The following CACNA1H variants were observed in gnomAD, a reference collection of about 807,000 sequenced individuals.
The protein encoded by CACNA1H is voltage-dependent T-type calcium channel subunit alpha-1H.
A neutral mutation model predicts 192.5 loss-of-function variants in CACNA1H; 149 were observed. The observed-to-expected ratio is 0.77, with a 90% CI of 0.68 to 0.89. The LOEUF (loss-of-function observed/expected upper bound fraction) is 0.89. CACNA1H is among the 40% of genes least tolerant of loss of function. CACNA1H has a pLI of 0.00. For synonymous variants in CACNA1H, 2,202 were observed against 1,475.2 expected, an observed-to-expected ratio of 1.49 and a Z score of -11.29; for missense variants, 4,257 against 3,423.5, an observed-to-expected ratio of 1.24 and a Z score of -6.08.
At position 1,207,362 on chromosome 16, in the gene CACNA1H, A is replaced by G. The variant is rs774136809; in HGVS notation, c.2995A>G (p.Met999Val). Residue 999 changes from methionine to valine, a missense_variant, in exon 14 of 35, where the codon ATG (methionine) becomes GTG (valine). Met to Val is a conservative substitution (Grantham distance 21). Coordinates refer to ENST00000348261, the MANE Select transcript of CACNA1H (RefSeq NM_021098.3). ...GGCCGCCCTCTACTTCGTGGCCCTC[A>G]TGACCTTCGGCAACTATGTGCTCTT... ...SWAALYFVAL[M>V]TFGNYVLFNL... 1.9e-5 allele frequency: 31 copies of G among 1,613,004 alleles called. No homozygotes were observed. The Admixed American group carries it at 4.7e-4, about 24-fold the overall frequency.
chr16:1,208,917 C>T (rs1166470574), intron 16 of CACNA1H, 115 bp from the exon 17 acceptor site: 21 of 1,130,168 alleles, frequency 1.9e-5, no homozygotes, highest in East Asian at 3.0e-5. Context: ...GCCTCCCTGG[C>T]GGGGCTATGC....
Position 1,202,029 on chromosome 16 carries a change from C to T in CACNA1H, c.1579C>T (p.His527Tyr), listed in dbSNP as rs1393490619. ...LVYHHHHHHH[H>Y]HYHFSHGSPR... ...CTACCACCACCATCACCACCACCAC[C>T]ACCACTACCATTTCAGCCATGGCAG... Residue 527 changes from histidine (H) to tyrosine (Y), a missense_variant, in exon 9 of 35, where the codon CAC becomes TAC. By Grantham distance (83) the His-to-Tyr change is moderately conservative. Transcript: ENST00000348261. 1.3e-6 allele frequency: 2 copies of T among 1,537,728 alleles called. No homozygotes were observed. Among genetic ancestry groups the T allele is most frequent in the Non-Finnish European group, 8.7e-7 (1 of 1,144,078 alleles).
At position 1,204,294 on chromosome 16, in the gene CACNA1H, G is replaced by A. The variant is rs1968379777; in HGVS notation, c.2287G>A (p.Ala763Thr). 6.2e-7 allele frequency: 1 copy of A among 1,604,336 alleles called. No homozygotes were observed. Among genetic ancestry groups the A allele is most frequent in the African/African-American group, 1.3e-5 (1 of 74,750 alleles). ...AGGCCCAGGCAGCCCCCAGCGGCGG[G>A]CACAGCAGAGGGCAGCCCCGGGCGA... ...GPGPGSPQRR[A>T]QQRAAPGEPG... The change falls in exon 10 of 35, where the codon GCA becomes ACA. Residue 763 changes from alanine to threonine, a missense_variant. Coordinates refer to ENST00000348261, the MANE Select transcript of CACNA1H (RefSeq NM_021098.3).
intron 17 of CACNA1H, 25 bp downstream of exon 17, chr16:1,209,437 C>T (rs1293661355): frequency 9.4e-6 from 15 of 1,589,426 alleles, no homozygotes; most frequent in African/African-American, 2.7e-5. Flanking sequence ...CTGGGCCCAC[C>T]GCCGACTCGC....
chr16:1,207,175 T>TCCCC, intron 13 of CACNA1H, 57 bp downstream of exon 13: 6 of 1,547,514 alleles, frequency 3.9e-6, no homozygotes, highest in Non-Finnish European at 5.3e-6. Flanking sequence ...CCCAGAGAGG[T>TCCCC]GGAGGTGCCG....
Position 1,202,267 on chromosome 16 carries a change from C to T in CACNA1H, c.1817C>T (p.Thr606Ile), listed in dbSNP as rs967106285. 7 of 1,576,810 alleles carry T rather than the reference C, an allele frequency of 4.4e-6. 1 individual carries two copies. The South Asian group carries it at 5.8e-5, about 13-fold the overall frequency. The stretch of plus-strand genomic sequence containing the variant: ...GCCGCTGCCAGCCTCAGACTGGCCA[C>T]AGGGCTGGGCACCATGAACTACCCC... ...ATAAASLRLATGLGTMNYPTI... is the reference protein window; with the variant it reads ...ATAAASLRLAIGLGTMNYPTI... The change falls in exon 9 of 35, where the codon ACA becomes ATA. Residue 606 changes from threonine to isoleucine, a missense_variant. By Grantham distance (89) the Thr-to-Ile change is moderately conservative. Coordinates refer to ENST00000348261, the MANE Select transcript of CACNA1H (RefSeq NM_021098.3).
chr16:1,211,791 G>C lies in CACNA1H; in HGVS notation c.4552G>C (p.Gly1518Arg). 1.2e-6 allele frequency: 2 copies of C among 1,612,604 alleles called. No homozygotes were observed. Among genetic ancestry groups the C allele is most frequent in the Non-Finnish European group, 1.7e-6 (2 of 1,179,708 alleles). The change falls in exon 24 of 35, where the codon GGT (glycine) becomes CGT (arginine). Residue 1518 changes from glycine to arginine, a missense_variant. By Grantham distance (125) the Gly-to-Arg change is moderately radical. Coordinates refer to ENST00000348261, the MANE Select transcript of CACNA1H (RefSeq NM_021098.3). ...NIMYDGLDAV[G>R]VDQQPVQNHN... is the part of the protein sequence containing the mutation. ...CATGTACGACGGGCTGGATGCCGTG[G>C]GTGTCGACCAGCAGGTGCGCACAGG... is the stretch of plus-strand genomic sequence containing the variant.
intron 2 of CACNA1H, among the ~76,000 whole-genome samples, chr16:1,193,586 G>C (rs1477368484): frequency 6.6e-6 from 1 of 152,288 alleles, no homozygotes; most frequent in Non-Finnish European, 1.5e-5. Context: ...GCGTGGCTGT[G>C]CCAGCATGCC....
At position 1,210,387 on chromosome 16, in the gene CACNA1H, A is replaced by T. The variant is rs114169979; in HGVS notation, c.3863A>T (p.Gln1288Leu). 8.7e-6 allele frequency: 9 copies of T among 1,034,864 alleles called. No homozygotes were observed. The African/African-American group carries it at 1.6e-4, about 19-fold the overall frequency. 64.1% of individuals were successfully genotyped at this position (1,034,864 alleles called of 1,614,324 possible). A position where few individuals can be genotyped will look rare whatever the true frequency, so the allele number is the denominator to read the frequency against. ...SPQNRFRVSC[Q>L]KVITHKMFDH... The stretch of plus-strand genomic sequence containing the variant: ...CCACCCAGGTTCCGCGTCTCCTGCC[A>T]GAAGGTCATCACACACAAGATGTTT... Residue 1288 changes from glutamine (Q) to leucine (L), a missense_variant, in exon 19 of 35, where the codon CAG (glutamine) becomes CTG (leucine). Transcript: ENST00000348261.
Position 1,220,648 on chromosome 16 carries a change from G to A in CACNA1H, c.6716G>A (p.Gly2239Asp). 3.7e-6 allele frequency: 6 copies of A among 1,603,748 alleles called. No individual in the cohort carries two copies. Among genetic ancestry groups the A allele is most frequent in the Non-Finnish European group, 5.1e-6 (6 of 1,175,542 alleles). ...TCCCTGGAGCCCACAGAGGGCTCAG[G>A]CGCCGGGGGGGACCCTGCAGCCAAG... ...RDSLEPTEGSGAGGDPAAKGE... is the reference protein window; with the variant it reads ...RDSLEPTEGSDAGGDPAAKGE... The change falls in exon 35 of 35, where the codon GGC (glycine) becomes GAC (aspartate). Residue 2239 changes from glycine (G) to aspartate (D), a missense_variant. Coordinates refer to ENST00000348261, the MANE Select transcript of CACNA1H (RefSeq NM_021098.3).
Position 1,210,899 on chromosome 16 carries a change from C to T in CACNA1H, c.4151C>T (p.Ala1384Val), listed in dbSNP as rs772094785. Residue 1384 changes from alanine (A) to valine (V), a missense_variant, in exon 21 of 35, where the codon GCC becomes GTC. Coordinates refer to ENST00000348261, the MANE Select transcript of CACNA1H (RefSeq NM_021098.3). ...VSLVDIVVAMASAGGAKILGV... is the reference protein window; with the variant it reads ...VSLVDIVVAMVSAGGAKILGV... ...CTGGTGGACATTGTCGTGGCCATGG[C>T]CTCGGCTGGTGGCGCCAAGATCCTG... The T allele has an allele frequency of 1.0e-5, 16 of 1,604,460 alleles. No homozygotes were observed. Among genetic ancestry groups the T allele is most frequent in the Admixed American group, 5.0e-5 (3 of 60,002 alleles).
chr16:1,196,910 GA>G (rs1967048197), intron 5 of CACNA1H, among the ~76,000 whole-genome samples: 1 of 152,190 alleles, frequency 6.6e-6, no homozygotes, highest in Non-Finnish European at 1.5e-5. Flanking sequence ...TACCAGGCGC[GA>G]GTGCATACTG....
In CACNA1H at chr16:1,201,802, C is replaced by A; in HGVS notation, c.1352C>A (p.Ser451Tyr). The change falls in exon 9 of 35, where the codon TCC becomes TAC. Residue 451 changes from serine to tyrosine, a missense_variant. Ser to Tyr is a moderately radical substitution (Grantham distance 144, BLOSUM62 -2). Coordinates refer to ENST00000348261, the MANE Select transcript of CACNA1H (RefSeq NM_021098.3). ...LSNDSTLASF[S>Y]EPGSCYEELL... ...AACGACAGCACGCTGGCCAGCTTCT[C>A]CGAGCCTGGCAGCTGCTACGAAGAG... 1 of 1,592,414 alleles carries A rather than the reference C, an allele frequency of 6.3e-7. No individual in the cohort carries two copies. The highest frequency in any genetic ancestry group is 2.3e-5 in the East Asian group (1 of 43,832).
chr16:1,206,158 C>T lies in CACNA1H; in HGVS notation c.2658C>T (p.Phe886=), dbSNP rs1202009471. 7 of 1,585,610 alleles carry T rather than the reference C, an allele frequency of 4.4e-6. No homozygotes were observed. The highest frequency in any genetic ancestry group is 2.3e-5 in the South Asian group (2 of 86,338). ...ADGGLSVLRT[F]RLLRVLKLVR... is the part of the protein sequence containing the mutation. ...GTGGCTTGTCTGTGCTGCGCACCTTCCGGCTGCTGCGTGTGCTGAAGCTGG... is the reference window on the plus strand; with the variant it reads ...GTGGCTTGTCTGTGCTGCGCACCTTTCGGCTGCTGCGTGTGCTGAAGCTGG... The change falls in exon 12 of 35, where the codon TTC becomes TTT. Residue 886 remains phenylalanine, a synonymous_variant. Coordinates refer to ENST00000348261, the MANE Select transcript of CACNA1H (RefSeq NM_021098.3).
rs1427053318 is a variant in CACNA1H, at chr16:1,219,374, G to A, written c.6048+244G>A. Among the ~76,000 whole-genome samples, 8 of 152,294 alleles carry A rather than the reference G, an allele frequency of 5.3e-5. No homozygotes were observed. The East Asian group carries it at 1.5e-3, about 29-fold the overall frequency. ...TGGCTACAGGGACCTGAGTCTTCTT[G>A]GACCCACAGCTTCAGGCCCCACGGT... is the stretch of plus-strand genomic sequence containing the variant. On this transcript the variant is annotated intron_variant, in intron 34 of 34. Transcript: ENST00000348261.
chr16:1,190,086 G>A (rs1966464888), intron 2 of CACNA1H, among the ~76,000 whole-genome samples: 2 of 152,290 alleles, frequency 1.3e-5, no homozygotes, highest in South Asian at 2.1e-4. Flanking sequence ...GGGTCTGGTG[G>A]AGGCTCCCTG....
intron 2 of CACNA1H, among the ~76,000 whole-genome samples, chr16:1,190,679 C>A (rs1314470197): frequency 1.3e-5 from 2 of 152,248 alleles, no homozygotes; most frequent in East Asian, 1.9e-4. Flanking sequence ...ACCACCGTCC[C>A]CTCCAGAGCT....
At chr16:1,192,555 C>G (rs1483757922) in intron 2 of CACNA1H, among the ~76,000 whole-genome samples, 1 of 152,226 alleles carries the variant, frequency 6.6e-6, no homozygotes, top group African/African-American at 2.4e-5. Flanking sequence ...GCCAGGAAGG[C>G]CATGCCGTAG....
chr16:1,207,272 C>A lies in CACNA1H; in HGVS notation c.2908-3C>A. The A allele has an allele frequency of 6.2e-7, 1 of 1,604,484 alleles. No homozygotes were observed. Among genetic ancestry groups the A allele is most frequent in the East Asian group, 2.2e-5 (1 of 44,484 alleles). The stretch of plus-strand genomic sequence containing the variant: ...CCACCCCAGGCCCCCTGCTATCCCC[C>A]AGATCCTGACCCAGGAGGACTGGAA... On this transcript the variant is annotated splice_region_variant and splice_polypyrimidine_tract_variant and intron_variant, in intron 13 of 34. Transcript: ENST00000348261.
Sources: allele counts gnomAD v4.1 joint callset (sites outside exome capture counted in the v4.1 genomes callset), GRCh38; gene constraint gnomAD v4.1.1; transcripts MANE v1.5; gene names NCBI Gene and HGNC (gene_info 2026-07-23, HGNC 2026-07-21).